LUZP2: variants seen among roughly 807,000 people sequenced by gnomAD.
LUZP2 encodes leucine zipper protein 2.
LUZP2 carries 52 observed loss-of-function variants against 51.6 expected under a neutral mutation model. The ratio of observed to expected loss-of-function variants is 1.01; its 90% CI spans 0.81 to 1.27. The LOEUF (loss-of-function observed/expected upper bound fraction) is 1.27, where lower values mean the gene tolerates loss of function less well. Among genes scored for constraint, LUZP2 ranks in the 50% most tolerant of loss-of-function variants. The pLI, the probability that LUZP2 is intolerant of heterozygous loss-of-function variation, is 0.00. For missense variants in LUZP2, 436 were observed against 395.4 expected (o/e 1.10, Z -0.87); for synonymous variants, 154 against 137.3 (o/e 1.12, Z -0.85).
intron 1 of LUZP2, among the ~76,000 whole-genome samples, chr11:24,585,928 G>A (rs1853049499): frequency 6.6e-6 from 1 of 152,018 alleles, no homozygotes; most frequent in Non-Finnish European, 1.5e-5. Context: ...CTTGTTCAGG[G>A]GCAGAGAAAT....
At chr11:24,903,156 A>G (rs1383841508) in intron 5 of LUZP2, among the ~76,000 whole-genome samples, 1 of 152,230 alleles carries the variant, frequency 6.6e-6, no homozygotes. Flanking sequence ...TTGCAGAGCC[A>G]GAACATATCA....
intron 5 of LUZP2, among the ~76,000 whole-genome samples, chr11:24,898,949 CA>C (rs1391819117): frequency 6.6e-6 from 1 of 151,550 alleles, no homozygotes; most frequent in Non-Finnish European, 1.5e-5. Flanking sequence ...TACAAACAAA[CA>C]AAAGATTCTT....
At chr11:24,781,688 A>T (rs1039924441) in intron 5 of LUZP2, among the ~76,000 whole-genome samples, 1 of 152,088 alleles carries the variant, frequency 6.6e-6, no homozygotes, top group South Asian at 2.1e-4. Flanking sequence ...AGAAATTGCA[A>T]ACGAGCTGCT....
chr11:24,647,218 T>C (rs1855488521), intron 1 of LUZP2, among the ~76,000 whole-genome samples: 2 of 152,018 alleles, frequency 1.3e-5, no homozygotes, highest in African/African-American at 4.8e-5. Flanking sequence ...CTTACATTAT[T>C]CAATTAATTT....
At chr11:24,716,844 C>T (rs565615783) in intron 1 of LUZP2, among the ~76,000 whole-genome samples, 14 of 151,926 alleles carry the variant, frequency 9.2e-5, no homozygotes, top group Non-Finnish European at 8.8e-5. Context: ...TGCAGTGAGC[C>T]GACATTGCGC....
intron 9 of LUZP2, among the ~76,000 whole-genome samples, chr11:25,031,376 A>G (rs953115091): frequency 7.9e-5 from 12 of 152,070 alleles, no homozygotes; most frequent in Admixed American, 2.0e-4. Flanking sequence ...TTGCAAAATT[A>G]TATTTTTCTT....
chr11:25,061,015 G>A (rs1858819264), intron 10 of LUZP2, among the ~76,000 whole-genome samples: 1 of 146,492 alleles, frequency 6.8e-6, no homozygotes. Flanking sequence ...CATTGTTAGT[G>A]GTGTCTAATT....
chr11:24,986,643 G>A (rs1313225003), intron 9 of LUZP2, among the ~76,000 whole-genome samples: 1 of 151,460 alleles, frequency 6.6e-6, no homozygotes, highest in Non-Finnish European at 1.5e-5. Context: ...CTACTGCTAT[G>A]TGGTAGAGCT....
intron 9 of LUZP2, among the ~76,000 whole-genome samples, chr11:25,025,542 A>G (rs1474407468): frequency 6.6e-6 from 1 of 152,254 alleles, no homozygotes; most frequent in Non-Finnish European, 1.5e-5. Flanking sequence ...GACACATGAA[A>G]AAATGCTCAT....
chr11:24,864,550 C>G (rs556366443), intron 5 of LUZP2, among the ~76,000 whole-genome samples: 2 of 152,306 alleles, frequency 1.3e-5, no homozygotes, highest in East Asian at 3.9e-4. Context: ...CTGGGCCTGG[C>G]TTTCTGTGTG....
chr11:25,039,234 C>A (rs746378573), intron 9 of LUZP2, among the ~76,000 whole-genome samples: 1 of 152,128 alleles, frequency 6.6e-6, no homozygotes, highest in South Asian at 2.1e-4. Context: ...GACCTGTTTG[C>A]AGCTCCCTTC....
At chr11:24,958,354 T>G (rs1473043045) in intron 7 of LUZP2, among the ~76,000 whole-genome samples, 1 of 152,246 alleles carries the variant, frequency 6.6e-6, no homozygotes, top group Non-Finnish European at 1.5e-5. Flanking sequence ...GTTGAACTAG[T>G]TGACAGTCCC....
chr11:24,988,950 G>T (rs1856258067), intron 9 of LUZP2, among the ~76,000 whole-genome samples: 1 of 151,786 alleles, frequency 6.6e-6, no homozygotes, highest in Non-Finnish European at 1.5e-5. Context: ...TTTGCAAGAG[G>T]TTTATTTGGA....
intron 11 of LUZP2, among the ~76,000 whole-genome samples, 158 bp downstream of exon 11, chr11:25,077,564 A>G (rs991005506): frequency 6.6e-6 from 1 of 151,548 alleles, no homozygotes; most frequent in Non-Finnish European, 1.5e-5. Flanking sequence ...CAGTGGCGCA[A>G]TCTCGGCTCA....
intron 5 of LUZP2, among the ~76,000 whole-genome samples, chr11:24,801,739 C>T (rs1849702731): frequency 6.6e-6 from 1 of 150,972 alleles, no homozygotes; most frequent in African/African-American, 2.4e-5. Flanking sequence ...GCAAAACTTT[C>T]CTAAATTTAT....
chr11:24,796,833 C>T lies in LUZP2; in HGVS notation c.396+33525C>T, dbSNP rs986244754. On this transcript the variant is annotated intron_variant, in intron 5 of 11. Coordinates refer to ENST00000336930, the MANE Select transcript of LUZP2 (RefSeq NM_001009909.4). ...GCAAAGCTTAGCTTAATGGATTATA[C>T]AGACACACAGATAAAATAAATCCTC... Among the ~76,000 whole-genome samples, 4 of 152,038 alleles carry T rather than the reference C, an allele frequency of 2.6e-5. 1 individual carries two copies. Among genetic ancestry groups the T allele is most frequent in the Admixed American group, 2.6e-4 (4 of 15,226 alleles).
intron 1 of LUZP2, among the ~76,000 whole-genome samples, chr11:24,686,159 G>A (rs1379802674): frequency 6.6e-6 from 1 of 151,720 alleles, no homozygotes. Flanking sequence ...TACTGTGAAT[G>A]GATATCTTAT....
chr11:24,573,844 G>A (rs1213658827), intron 1 of LUZP2, among the ~76,000 whole-genome samples: 1 of 146,388 alleles, frequency 6.8e-6, no homozygotes, highest in African/African-American at 2.5e-5. Context: ...TTTTAAAAAT[G>A]TAACTGAATT....
chr11:24,878,265 G>A (rs994762476), intron 5 of LUZP2, among the ~76,000 whole-genome samples: 4 of 151,896 alleles, frequency 2.6e-5, no homozygotes, highest in East Asian at 3.9e-4. Flanking sequence ...TATTTGTCTG[G>A]GAAAGTCTTT....
Sources: gnomAD v4.1 joint callset for allele counts (sites outside exome capture counted in the v4.1 genomes callset) on GRCh38, gnomAD v4.1.1 for gene constraint, MANE v1.5 for transcripts, NCBI Gene and HGNC (gene_info 2026-07-23, HGNC 2026-07-21) for gene names.